FYTTD1: variants seen among roughly 807,000 people sequenced by gnomAD.
The protein encoded by FYTTD1 is forty-two-three domain containing 1.
Under a neutral mutation model 40.9 loss-of-function variants are expected in FYTTD1, and 22 were observed. The ratio of observed to expected loss-of-function variants is 0.54; its 90% CI spans 0.38 to 0.77. The LOEUF is 0.77. FYTTD1 is among the 30% of genes least tolerant of loss of function. The pLI is 0.00. For missense variants in FYTTD1, 351 were observed against 392.2 expected (o/e 0.90, Z 0.89); for synonymous variants, 140 against 137.9 (o/e 1.01, Z -0.10).
rs538114502 is a variant in FYTTD1, at chr3:197,759,940, A to C, written c.235+3383A>C. On this transcript the variant is annotated intron_variant, in intron 2 of 8. Transcript: ENST00000241502. ...AATGTATAGAGTGTTCTTCAGTGGT[A>C]GAATGTATAGAGTTGTTCCTCAGTG... Among the ~76,000 whole-genome samples the C allele has an allele frequency of 4.0e-5, 6 of 151,496 alleles. No individual in the cohort carries two copies. In the South Asian group the frequency reaches 1.2e-3, roughly 31 times the overall value.
chr3:197,764,247 A>C (rs1201074714), intron 2 of FYTTD1, among the ~76,000 whole-genome samples: 1 of 152,240 alleles, frequency 6.6e-6, no homozygotes, highest in East Asian at 1.9e-4. Context: ...GTTACAGAGC[A>C]TAAGAGGGAA....
chr3:197,750,304 G>A, intron 1 of FYTTD1: 1 of 1,108,092 alleles, frequency 9.0e-7, no homozygotes, highest in Non-Finnish European at 1.1e-6. Context: ...GCAGTCGGAG[G>A]AGGGGCTGTG....
chr3:197,765,698 C>T (rs1729523156), intron 2 of FYTTD1, among the ~76,000 whole-genome samples: 1 of 151,264 alleles, frequency 6.6e-6, no homozygotes, highest in Non-Finnish European at 1.5e-5. Flanking sequence ...CCTGTCTGTA[C>T]TAAAAATACA....
At chr3:197,773,349 A>T in intron 4 of FYTTD1, 54 bp from the exon 5 acceptor site, 1 of 1,073,556 alleles carries the variant, frequency 9.3e-7, no homozygotes, top group Non-Finnish European at 1.4e-6. Context: ...TTTTTCCTCA[A>T]GATGTTTGAA....
chr3:197,754,935 G>A (rs1380019654), intron 1 of FYTTD1, among the ~76,000 whole-genome samples: 2 of 152,290 alleles, frequency 1.3e-5, no homozygotes, highest in East Asian at 3.9e-4. Flanking sequence ...AAAGTGCTGA[G>A]GTTACAGGCA....
rs150846430 is a variant in FYTTD1 at position 197,781,822 on chromosome 3, G to A, written c.870G>A (p.Thr290=). The change falls in exon 9 of 9, where the codon ACG becomes ACA. Residue 290 remains threonine (T), a synonymous_variant. Coordinates refer to ENST00000241502, the MANE Select transcript of FYTTD1 (RefSeq NM_032288.7). ...TTTCTTTTCTCTAGACAGGGATGAC[G>A]TTGAATGAGCGGTTTGGGATCCTGA... The part of the protein sequence containing the change: ...INSVGKQTGM[T]LNERFGILKE... The A allele has an allele frequency of 2.4e-5, 39 of 1,605,280 alleles. No individual in the cohort carries two copies. Among genetic ancestry groups the A allele is most frequent in the African/African-American group, 9.4e-5 (7 of 74,672 alleles).
intron 1 of FYTTD1, chr3:197,750,474 G>A (rs1453260815): frequency 1.0e-6 from 1 of 993,612 alleles, no homozygotes; most frequent in African/African-American, 1.7e-5. Context: ...ATCGGGGAGC[G>A]AGGGGAATGG....
chr3:197,749,882 C>G (rs1036992498), upstream of FYTTD1: 4 of 802,902 alleles, frequency 5.0e-6, no homozygotes, highest in Non-Finnish European at 7.2e-6. Flanking sequence ...CGCGCTCCCT[C>G]GGTGCGGCGG....
chr3:197,782,733 T>C lies in FYTTD1; in HGVS notation c.*824T>C, dbSNP rs1049139639. Reference sequence around the variant, plus strand: ...AAACCCTGGTTATAGATGTACTGTTTGGATGTAGCATAGTCTTGAGTCTAG... The same window carrying C: ...AAACCCTGGTTATAGATGTACTGTTCGGATGTAGCATAGTCTTGAGTCTAG... On this transcript the variant is annotated 3_prime_UTR_variant, in exon 9 of 9. Transcript: ENST00000241502. 2 of 152,316 alleles carry C rather than the reference T, an allele frequency of 1.3e-5. No homozygotes were observed. The highest frequency in any genetic ancestry group is 1.9e-4 in the East Asian group (1 of 5,186). The allele number at this position is 152,316 out of a possible 1,614,324, so 9.4% of individuals were successfully genotyped here.
At position 197,781,971 on chromosome 3, in the gene FYTTD1, A is replaced by G. The variant is rs1344593600; in HGVS notation, c.*62A>G. On this transcript the variant is annotated 3_prime_UTR_variant, in exon 9 of 9. Transcript: ENST00000241502. ...AGAAGTTGAATTGCTTGAAGAGTTC[A>G]TCACGGAAATTCAAGAAACTTTACT... The G allele has an allele frequency of 2.1e-6, 2 of 936,814 alleles. No homozygotes were observed. Among genetic ancestry groups the G allele is most frequent in the Non-Finnish European group, 3.1e-6 (2 of 637,054 alleles). The allele number at this position is 936,814 out of a possible 1,614,324, so 58.0% of individuals were successfully genotyped here. A position where few individuals can be genotyped will look rare whatever the true frequency, so the allele number is the denominator to read the frequency against.
chr3:197,776,199 A>T (rs928371891), intron 6 of FYTTD1, among the ~76,000 whole-genome samples: 23 of 151,330 alleles, frequency 1.5e-4, no homozygotes, highest in Non-Finnish European at 3.4e-4. Flanking sequence ...TTTATTCATC[A>T]TAGCAATTTT....
chr3:197,776,487 T>C (rs1169908642), intron 6 of FYTTD1, among the ~76,000 whole-genome samples: 1 of 149,896 alleles, frequency 6.7e-6, no homozygotes, highest in African/African-American at 2.5e-5. Flanking sequence ...CCTCCCAAAG[T>C]GCTGGGATTA....
At chr3:197,753,463 A>G (rs915287908) in intron 1 of FYTTD1, among the ~76,000 whole-genome samples, 5 of 152,030 alleles carry the variant, frequency 3.3e-5, no homozygotes, top group African/African-American at 9.7e-5. Context: ...TACTGCTGCT[A>G]TTACTATTAC....
In FYTTD1 at chr3:197,770,113, A is replaced by G. The variant is rs1708460; in HGVS notation, c.385-19A>G. On this transcript the variant is annotated intron_variant, in intron 3 of 8. Coordinates refer to ENST00000241502, the MANE Select transcript of FYTTD1 (RefSeq NM_032288.7). ...AGAAAAATGCAATTTGATTAACATAATTTCTTGCCTTCTGATAGAATATAG... is the reference window on the plus strand; with the variant it reads ...AGAAAAATGCAATTTGATTAACATAGTTTCTTGCCTTCTGATAGAATATAG... 1,398,942 of 1,426,236 alleles carry G rather than the reference A, an allele frequency of 0.98. 686,190 individuals carry two copies. Among genetic ancestry groups the G allele is most frequent in the East Asian group, 1 (42,835 of 42,836 alleles). 88.3% of individuals were successfully genotyped at this position (1,426,236 alleles called of 1,614,324 possible). A position where few individuals can be genotyped will look rare whatever the true frequency, so the allele number is the denominator to read the frequency against.
chr3:197,774,291 C>A, intron 6 of FYTTD1, 81 bp downstream of exon 6: 1 of 1,165,788 alleles, frequency 8.6e-7, no homozygotes, highest in Non-Finnish European at 1.3e-6. Flanking sequence ...TACCTCAGTC[C>A]AGAAGAAATT....
At chr3:197,762,738 T>A (rs1317391434) in intron 2 of FYTTD1, among the ~76,000 whole-genome samples, 2 of 145,922 alleles carry the variant, frequency 1.4e-5, no homozygotes, top group Non-Finnish European at 3.0e-5. Flanking sequence ...AAAAATTAGC[T>A]GGGCGTGGTA....
At chr3:197,781,157 T>TA (rs933399515) in intron 8 of FYTTD1, among the ~76,000 whole-genome samples, 6 of 151,506 alleles carry the variant, frequency 4.0e-5, no homozygotes, top group African/African-American at 1.5e-4. Flanking sequence ...CCACTAAAAA[T>TA]AAAAAAATTA....
chr3:197,756,218 GA>G (rs1729209559), intron 1 of FYTTD1, among the ~76,000 whole-genome samples: 1 of 152,092 alleles, frequency 6.6e-6, no homozygotes, highest in South Asian at 2.1e-4. Flanking sequence ...ATCAGGTAAA[GA>G]AATACTATGG....
chr3:197,750,399 C>A, intron 1 of FYTTD1: 1 of 1,064,096 alleles, frequency 9.4e-7, no homozygotes, highest in Middle Eastern at 4.2e-4. Flanking sequence ...TACGGCTCGC[C>A]GCTCGCCGGC....
Sources: allele counts gnomAD v4.1 joint callset (sites outside exome capture counted in the v4.1 genomes callset), GRCh38; gene constraint gnomAD v4.1.1; transcripts MANE v1.5; gene names NCBI Gene and HGNC (gene_info 2026-07-23, HGNC 2026-07-21).